CERS4: variants seen among roughly 807,000 people sequenced by gnomAD.
CERS4 encodes the protein LAG1 homolog, ceramide synthase 4.
Under a neutral mutation model 51.8 loss-of-function variants are expected in CERS4, and 65 were observed. The observed-to-expected ratio is 1.26, with a 90% CI of 1.03 to 1.54. The LOEUF is 1.54. Among genes scored for constraint, CERS4 ranks in the 40% most tolerant of loss-of-function variants. The pLI is 0.00. For missense variants in CERS4, 563 were observed against 500.4 expected (o/e 1.13, Z -1.19); for synonymous variants, 228 against 208.4 (o/e 1.09, Z -0.81).
At chr19:8,230,432 C>A (rs143304112) in intron 2 of CERS4, among the ~76,000 whole-genome samples, 1 of 151,964 alleles carries the variant, frequency 6.6e-6, no homozygotes, top group African/African-American at 2.4e-5. Context: ...CCAAGTGATC[C>A]GCCCAATTCA....
At chr19:8,249,902 T>A (rs1968989845) in intron 2 of CERS4, among the ~76,000 whole-genome samples, 1 of 152,114 alleles carries the variant, frequency 6.6e-6, no homozygotes, top group Non-Finnish European at 1.5e-5. Context: ...TGGATTTCTT[T>A]AAATCCTTCA....
chr19:8,253,825 C>T (rs1210118393), intron 3 of CERS4, among the ~76,000 whole-genome samples: 1 of 151,918 alleles, frequency 6.6e-6, no homozygotes, highest in African/African-American at 2.4e-5. Context: ...TCTGACCTCA[C>T]GTGATCCGCC....
At chr19:8,246,683 T>C (rs927458838) in intron 2 of CERS4, among the ~76,000 whole-genome samples, 9 of 152,064 alleles carry the variant, frequency 5.9e-5, no homozygotes, top group African/African-American at 1.9e-4. Context: ...TGAGGTCAGC[T>C]GCCTACTTTG....
intron 2 of CERS4, among the ~76,000 whole-genome samples, chr19:8,221,894 T>TTG (rs1568501308): frequency 4.7e-5 from 6 of 128,208 alleles, no homozygotes; most frequent in Non-Finnish European, 1.0e-4. Context: ...TTTTTTTTTT[T>TTG]TTTTTGAGAC....
At chr19:8,212,342 T>G (rs1205978365) in intron 2 of CERS4, among the ~76,000 whole-genome samples, 9 of 151,340 alleles carry the variant, frequency 5.9e-5, no homozygotes, top group Non-Finnish European at 1.2e-4. Context: ...CTTGGAGAGA[T>G]ATGGAGAGGC....
Position 8,237,860 on chromosome 19 carries a change from C to CA in CERS4, c.-1-13208dup, listed in dbSNP as rs372526269. 4.6e-3 allele frequency among the ~76,000 whole-genome samples: 694 copies of CA among 151,958 alleles called. 2 individuals are homozygous for CA. Among genetic ancestry groups the CA allele is most frequent in the African/African-American group, 0.015 (619 of 41,498 alleles). ...AGCGAGACTCCGTGTCAAAACAAAACAAAAAAAAGTGTTGGATCTCACACT... is the reference window on the plus strand; with the variant it reads ...AGCGAGACTCCGTGTCAAAACAAAACAAAAAAAAAGTGTTGGATCTCACACT... On this transcript the variant is annotated intron_variant, in intron 2 of 11. Transcript: ENST00000251363.
At chr19:8,256,926 C>T (rs764431465) in intron 8 of CERS4, 23 bp from the exon 9 acceptor site, 1 of 1,614,058 alleles carries the variant, frequency 6.2e-7, no homozygotes, top group Non-Finnish European at 8.5e-7. Context: ...CTCGTCCCCA[C>T]TATGACCCAC....
At chr19:8,233,384 C>G (rs1968101378) in intron 2 of CERS4, among the ~76,000 whole-genome samples, 1 of 151,954 alleles carries the variant, frequency 6.6e-6, no homozygotes, top group Non-Finnish European at 1.5e-5. Context: ...CCAGGCTGGT[C>G]TCAAACTCCT....
intron 2 of CERS4, among the ~76,000 whole-genome samples, chr19:8,245,122 A>AAAAAC (rs1555777239): frequency 7.7e-6 from 1 of 129,258 alleles, no homozygotes; most frequent in Non-Finnish European, 1.6e-5. Context: ...AAAAAAAAAA[A>AAAAAC]AAAAAAAAAA....
chr19:8,224,731 C>T, intron 2 of CERS4, among the ~76,000 whole-genome samples: 1 of 152,120 alleles, frequency 6.6e-6, no homozygotes. Context: ...GAGGCGGCCA[C>T]CATGATTCAA....
rs995838842 is a variant in CERS4, at chr19:8,238,680, C to T, written c.-1-12396C>T. The T allele has an allele frequency of 1.1e-5, 8 of 739,134 alleles. No individual in the cohort carries two copies. In the African/African-American group the frequency reaches 1.5e-4, roughly 14 times the overall value. 45.8% of individuals were successfully genotyped at this position (739,134 alleles called of 1,614,324 possible). A position where few individuals can be genotyped will look rare whatever the true frequency, so the allele number is the denominator to read the frequency against. Reference sequence around the variant, plus strand: ...TGGTTGTAGGTTTTGAGGGGGCTGACAGGAGAGGTGGTTGCCAGGGAATGG... The same window carrying T: ...TGGTTGTAGGTTTTGAGGGGGCTGATAGGAGAGGTGGTTGCCAGGGAATGG... On this transcript the variant is annotated intron_variant, in intron 2 of 11. Coordinates refer to ENST00000251363, the MANE Select transcript of CERS4 (RefSeq NM_024552.3).
chr19:8,249,537 C>T (rs1968962216), intron 2 of CERS4, among the ~76,000 whole-genome samples: 1 of 151,116 alleles, frequency 6.6e-6, no homozygotes, highest in Admixed American at 6.6e-5. Flanking sequence ...CTGAAATTCC[C>T]ACCTAGAGAG....
intron 9 of CERS4, 26 bp downstream of exon 9, chr19:8,257,103 T>TC: frequency 6.4e-7 from 1 of 1,568,194 alleles, no homozygotes; most frequent in East Asian, 2.3e-5. Flanking sequence ...GCCTGACCCT[T>TC]CCCAGCTGCT....
chr19:8,214,369 GAAGGTGATGGGGAC>G (rs1337710850), intron 2 of CERS4: 1 of 152,490 alleles, frequency 6.6e-6, no homozygotes, highest in Non-Finnish European at 1.5e-5. Flanking sequence ...CCCGCAGGGA[GAAGGTGATGGGGAC>G]AAGGATGAGG....
chr19:8,235,003 C>CTT, intron 2 of CERS4, among the ~76,000 whole-genome samples: 2 of 116,174 alleles, frequency 1.7e-5, no homozygotes, highest in South Asian at 2.9e-4. Context: ...CTTTTTCTTT[C>CTT]TTTCTTTCTT....
intron 2 of CERS4, among the ~76,000 whole-genome samples, chr19:8,224,292 A>G (rs989221289): frequency 1.3e-5 from 2 of 151,458 alleles, no homozygotes; most frequent in Non-Finnish European, 2.9e-5. Flanking sequence ...TTGTAATCCC[A>G]GCTACTCAGG....
chr19:8,245,095 G>GA (rs1160687477), intron 2 of CERS4, among the ~76,000 whole-genome samples: 3 of 6,094 alleles, frequency 4.9e-4, no homozygotes, highest in African/African-American at 1.0e-3. Flanking sequence ...CTGGGCGACC[G>GA]AGCGAGACTC....
intron 2 of CERS4, among the ~76,000 whole-genome samples, chr19:8,240,247 G>A (rs1968467976): frequency 1.3e-5 from 2 of 152,072 alleles, no homozygotes; most frequent in South Asian, 4.1e-4. Context: ...AATGTAGAGG[G>A]CAGGAATGTG....
At chr19:8,225,300 C>T (rs1217968074) in intron 2 of CERS4, among the ~76,000 whole-genome samples, 1 of 151,912 alleles carries the variant, frequency 6.6e-6, no homozygotes, top group Non-Finnish European at 1.5e-5. Flanking sequence ...TGGGATTGGC[C>T]ATGGGAGGCT....
Sources: gnomAD v4.1 joint callset for allele counts (sites outside exome capture counted in the v4.1 genomes callset) on GRCh38, gnomAD v4.1.1 for gene constraint, MANE v1.5 for transcripts, NCBI Gene and HGNC (gene_info 2026-07-23, HGNC 2026-07-21) for gene names.